The following RELL1 variants were observed in gnomAD, a reference collection of about 807,000 sequenced individuals.
RELL1 encodes the protein RELT like 1, also known as RELT-like protein 1.
Under a neutral mutation model 23.0 loss-of-function variants are expected in RELL1, and 10 were observed. The observed-to-expected ratio is 0.43, with a 90% CI of 0.27 to 0.74. The LOEUF is 0.74. RELL1 is among the 30% of genes least tolerant of loss of function. RELL1 has a pLI of 0.19. For missense variants in RELL1, 315 were observed against 364.4 expected (o/e 0.86, Z 1.10); for synonymous variants, 146 against 146.8 (o/e 0.99, Z 0.04).
intron 5 of RELL1, among the ~76,000 whole-genome samples, chr4:37,634,214 G>T (rs1720237247): frequency 6.6e-6 from 1 of 152,242 alleles, no homozygotes; most frequent in Non-Finnish European, 1.5e-5. Context: ...GACCAAGAAA[G>T]CCAAGACACA....
chr4:37,649,001 T>G (rs2109282403), intron 2 of RELL1, among the ~76,000 whole-genome samples: 1 of 152,340 alleles, frequency 6.6e-6, no homozygotes, highest in South Asian at 2.1e-4. Flanking sequence ...TAAAAATACA[T>G]TTAAGTGAAA....
intron 6 of RELL1, among the ~76,000 whole-genome samples, chr4:37,601,643 G>A (rs186161586): frequency 2.0e-5 from 3 of 152,316 alleles, no homozygotes; most frequent in Admixed American, 1.3e-4. Flanking sequence ...AACAGAAACC[G>A]CACCATGGCC....
chr4:37,618,438 A>T (rs1424990741), intron 6 of RELL1, among the ~76,000 whole-genome samples: 2 of 151,728 alleles, frequency 1.3e-5, no homozygotes, highest in African/African-American at 4.8e-5. Context: ...CAGGGTCACT[A>T]TGTTGCCCAG....
chr4:37,591,574 A>C (rs1387361431), intron 6 of RELL1: 2 of 152,310 alleles, frequency 1.3e-5, no homozygotes, highest in East Asian at 3.8e-4. Context: ...CAGTTTTCAC[A>C]GTAGAGCAGA....
intron 6 of RELL1, among the ~76,000 whole-genome samples, chr4:37,597,778 C>T (rs1396368594): frequency 6.6e-6 from 1 of 152,160 alleles, no homozygotes. Context: ...GGGCTGGGTG[C>T]CGTGGCTCAT....
chr4:37,665,275 T>C (rs867733364), intron 1 of RELL1: 5 of 456,318 alleles, frequency 1.1e-5, no homozygotes, highest in African/African-American at 8.0e-5. Context: ...GGACAACTGA[T>C]ACACCCCACT....
chr4:37,607,925 G>A (rs547570495), downstream of RELL1, among the ~76,000 whole-genome samples: 1 of 152,200 alleles, frequency 6.6e-6, no homozygotes, highest in South Asian at 2.1e-4. Flanking sequence ...GCTCACTCAT[G>A]TCCCTGTGTC....
At chr4:37,648,820 T>A (rs1476520538) in intron 2 of RELL1, among the ~76,000 whole-genome samples, 2 of 152,240 alleles carry the variant, frequency 1.3e-5, no homozygotes, top group African/African-American at 4.8e-5. Context: ...CCTTCACTCT[T>A]ATTCGAATCT....
At chr4:37,615,797 A>C (rs1719555577) in intron 6 of RELL1, among the ~76,000 whole-genome samples, 1 of 152,206 alleles carries the variant, frequency 6.6e-6, no homozygotes, top group African/African-American at 2.4e-5. Flanking sequence ...AACCGCCCAG[A>C]AGATTTATCT....
At chr4:37,684,245 G>A (rs1722324590) in intron 1 of RELL1, among the ~76,000 whole-genome samples, 1 of 151,820 alleles carries the variant, frequency 6.6e-6, no homozygotes, top group South Asian at 2.1e-4. Context: ...ATGTTGGCTG[G>A]TCAGAGCATC....
At chr4:37,643,905 A>G (rs1720607466) in intron 3 of RELL1, among the ~76,000 whole-genome samples, 3 of 152,214 alleles carry the variant, frequency 2.0e-5, no homozygotes, top group Non-Finnish European at 4.4e-5. Context: ...GTATTACCTG[A>G]GGGCCCAGGA....
intron 6 of RELL1, among the ~76,000 whole-genome samples, chr4:37,626,817 T>C (rs1459513320): frequency 6.9e-6 from 1 of 144,794 alleles, no homozygotes; most frequent in Non-Finnish European, 1.5e-5. Flanking sequence ...CTCACTTACA[T>C]GTGGAATCTA....
At position 37,650,683 on chromosome 4, in the gene RELL1, A is replaced by ATATG. The variant is rs577854068; in HGVS notation, c.89-1187_89-1184dup. On this transcript the variant is annotated intron_variant, in intron 1 of 6. Transcript: ENST00000454158. Reference sequence around the variant, plus strand: ...ATGTCAAAGTATCACATGAATATATATATGAGAGACAGTTTGATATCTTAG... The same window carrying ATATG: ...ATGTCAAAGTATCACATGAATATATATATGTATGAGAGACAGTTTGATATCTTAG... Among the ~76,000 whole-genome samples the ATATG allele has an allele frequency of 8.9e-4, 135 of 152,114 alleles. 2 individuals are homozygous for ATATG. Among genetic ancestry groups the ATATG allele is most frequent in the Admixed American group, 2.4e-3 (37 of 15,274 alleles).
intron 6 of RELL1, among the ~76,000 whole-genome samples, chr4:37,621,613 G>GGGGTCT (rs1468226277): frequency 6.6e-6 from 1 of 152,060 alleles, no homozygotes; most frequent in African/African-American, 2.4e-5. Flanking sequence ...TCTGTCTTTA[G>GGGGTCT]GCCCTCCAAA....
chr4:37,668,450 G>A (rs867952959), intron 1 of RELL1, among the ~76,000 whole-genome samples: 14,996 of 151,992 alleles, frequency 0.099, 1,642 homozygotes, highest in African/African-American at 0.28. Flanking sequence ...GCTCCTAACC[G>A]CGAGTGATCC....
chr4:37,604,513 GCACA>G (rs755874118), intron 6 of RELL1, among the ~76,000 whole-genome samples: 1 of 151,662 alleles, frequency 6.6e-6, no homozygotes, highest in South Asian at 2.1e-4. Flanking sequence ...ATACACACGC[GCACA>G]CACACACGCA....
At chr4:37,601,028 C>A (rs1221296642) in intron 6 of RELL1, among the ~76,000 whole-genome samples, 3 of 152,138 alleles carry the variant, frequency 2.0e-5, no homozygotes, top group Non-Finnish European at 4.4e-5. Context: ...AAAATTTCAG[C>A]CTGAACAAAC....
intron 3 of RELL1, among the ~76,000 whole-genome samples, chr4:37,639,804 G>A (rs1720462589): frequency 6.6e-6 from 1 of 152,212 alleles, no homozygotes; most frequent in African/African-American, 2.4e-5. Context: ...TACCATGTAA[G>A]CCAACACCAA....
At chr4:37,623,015 G>C in intron 6 of RELL1, 1 of 355,716 alleles carries the variant, frequency 2.8e-6, no homozygotes, top group South Asian at 2.1e-5. Flanking sequence ...GTGTTGTCCA[G>C]GCTGGTCTCG....
Sources: allele counts gnomAD v4.1 joint callset (sites outside exome capture counted in the v4.1 genomes callset), GRCh38; gene constraint gnomAD v4.1.1; transcripts MANE v1.5; gene names NCBI Gene and HGNC (gene_info 2026-07-23, HGNC 2026-07-21).